ECHDC2: variants seen among roughly 807,000 people sequenced by gnomAD.
The protein encoded by ECHDC2 is enoyl-CoA hydratase domain-containing protein 2, mitochondrial.
Under a neutral mutation model 40.6 loss-of-function variants are expected in ECHDC2, and 34 were observed. The ratio of observed to expected loss-of-function variants is 0.84; its 90% confidence interval spans 0.64 to 1.11. The LOEUF (loss-of-function observed/expected upper bound fraction) is 1.11, where lower values mean the gene tolerates loss of function less well. ECHDC2 is among the 50% of genes most tolerant of loss of function. ECHDC2 has a pLI of 0.00. For synonymous variants in ECHDC2, 162 were observed against 166.6 expected, an observed-to-expected ratio of 0.97 and a Z score of 0.21; for missense variants, 392 against 400.7, an observed-to-expected ratio of 0.98 and a Z score of 0.19.
intron 3 of ECHDC2, among the ~76,000 whole-genome samples, chr1:52,908,518 AAAAAG>A (rs1474365627): frequency 2.0e-5 from 3 of 152,206 alleles, no homozygotes; most frequent in Non-Finnish European, 2.9e-5. Flanking sequence ...AAAAAAGAAA[AAAAAG>A]AAAAGACAAC....
intron 5 of ECHDC2, chr1:52,905,516 G>A (rs1647553883): frequency 5.7e-6 from 1 of 173,916 alleles, no homozygotes; most frequent in Non-Finnish European, 1.2e-5. Flanking sequence ...TAGAATGTCA[G>A]TGACTCCTGC....
intron 9 of ECHDC2, chr1:52,896,921 A>C: frequency 3.1e-6 from 1 of 326,622 alleles, no homozygotes; most frequent in Non-Finnish European, 5.7e-6. Context: ...TTGCAGTAAG[A>C]AATCTGGCTT....
At chr1:52,911,871 G>A (rs1464767918) in intron 1 of ECHDC2, 81 bp from the exon 2 acceptor site, 14 of 1,571,198 alleles carry the variant, frequency 8.9e-6, no homozygotes, top group Admixed American at 1.8e-5. Context: ...GGAGGCAGGA[G>A]GCCTGGGATC....
intron 1 of ECHDC2, among the ~76,000 whole-genome samples, chr1:52,916,940 A>G (rs1650805046): frequency 6.6e-6 from 1 of 152,168 alleles, no homozygotes. Flanking sequence ...AACCACTAGA[A>G]GGGCCAGGCG....
At chr1:52,908,647 C>T (rs1259763098) in intron 3 of ECHDC2, among the ~76,000 whole-genome samples, 1 of 151,202 alleles carries the variant, frequency 6.6e-6, no homozygotes, top group African/African-American at 2.4e-5. Context: ...CAGAAATGGG[C>T]AAAGGGCCAG....
chr1:52,918,009 C>T (rs1415124503), intron 1 of ECHDC2, among the ~76,000 whole-genome samples: 8 of 152,000 alleles, frequency 5.3e-5, no homozygotes, highest in Admixed American at 5.2e-4. Flanking sequence ...TACTCTGTTG[C>T]CCAGGCTGGA....
chr1:52,906,515 G>A lies in ECHDC2; in HGVS notation c.457+4C>T. 1.2e-6 allele frequency: 2 copies of A among 1,608,178 alleles called. No individual in the cohort carries two copies. The highest frequency in any genetic ancestry group is 8.5e-7 in the Non-Finnish European group (1 of 1,177,704). Reference sequence around the variant, plus strand: ...ACCCCCTGCCCCCAGTCCTGGCCCAGTACCTGCCACTCGGAGGTCACAGGC... The same window carrying A: ...ACCCCCTGCCCCCAGTCCTGGCCCAATACCTGCCACTCGGAGGTCACAGGC... On this transcript the variant is annotated splice_donor_region_variant and intron_variant, in intron 5 of 9. Transcript: ENST00000371522.
chr1:52,909,688 C>A (rs766203536), intron 3 of ECHDC2, among the ~76,000 whole-genome samples: 1 of 152,214 alleles, frequency 6.6e-6, no homozygotes, highest in Non-Finnish European at 1.5e-5. Flanking sequence ...AGATTACTTA[C>A]AATACCTAAT....
chr1:52,897,398 C>T (rs545774804), intron 9 of ECHDC2, 39 bp downstream of exon 9: 1 of 1,608,434 alleles, frequency 6.2e-7, no homozygotes, highest in East Asian at 2.2e-5. Flanking sequence ...CCTGGCCCAG[C>T]CTATGTTAAC....
At chr1:52,899,049 TC>T (rs1195293373) in intron 8 of ECHDC2, 124 bp downstream of exon 8, 1 of 952,774 alleles carries the variant, frequency 1.0e-6, no homozygotes, top group African/African-American at 1.6e-5. Context: ...AGGTCAGAGT[TC>T]AAGTCTGTTA....
At chr1:52,905,211 C>CTGTGG in intron 5 of ECHDC2, 121 bp from the exon 6 acceptor site, 1 of 1,098,202 alleles carries the variant, frequency 9.1e-7, no homozygotes, top group Non-Finnish European at 1.3e-6. Context: ...CATGGTCTGG[C>CTGTGG]CACAGCCAGG....
Position 52,921,673 on chromosome 1 carries a change from TCGG to T in ECHDC2, c.-3_-1del. The T allele has an allele frequency of 6.4e-7, 1 of 1,563,300 alleles. No homozygotes were observed. Among genetic ancestry groups the T allele is most frequent in the South Asian group, 1.2e-5 (1 of 84,484 alleles). On this transcript the variant is annotated 5_prime_UTR_variant, in exon 1 of 10. Transcript: ENST00000371522. ...CGCAGGAGGCACAGAACGCGCAGCA[TCGG>T]GGCGCAGGCTGGGAGTGAAGGTGCT... is the stretch of plus-strand genomic sequence containing the variant.
chr1:52,905,378 C>CT, intron 5 of ECHDC2: 1 of 503,694 alleles, frequency 2.0e-6, no homozygotes, highest in Non-Finnish European at 3.6e-6. Context: ...CCTCTTCTGT[C>CT]TGCTTCAGAG....
chr1:52,921,447 TG>T, intron 1 of ECHDC2, 105 bp downstream of exon 1: 1 of 1,453,714 alleles, frequency 6.9e-7, no homozygotes, highest in Non-Finnish European at 9.0e-7. Context: ...AGGGAGGGAC[TG>T]GGGATCGAAT....
Position 52,909,432 on chromosome 1 carries a change from G to A in ECHDC2, c.278-1478C>T, listed in dbSNP as rs1043185347. Among the ~76,000 whole-genome samples, 6 of 151,308 alleles carry A rather than the reference G, an allele frequency of 4.0e-5. No homozygotes were observed. In the East Asian group the frequency reaches 9.7e-4, roughly 24 times the overall value. On this transcript the variant is annotated intron_variant, in intron 3 of 9. Transcript: ENST00000371522. ...TCCTCCTGTATACTCTAAGCCAGGGGTTCCAATCTTTTGGCTTTCCTGGGC... is the reference window on the plus strand; with the variant it reads ...TCCTCCTGTATACTCTAAGCCAGGGATTCCAATCTTTTGGCTTTCCTGGGC...
chr1:52,921,396 A>C, intron 1 of ECHDC2, 157 bp downstream of exon 1: 1 of 1,398,362 alleles, frequency 7.2e-7, no homozygotes, highest in Non-Finnish European at 9.2e-7. Context: ...GCGGCCGCCC[A>C]CCTCTCAGGC....
Position 52,921,552 on chromosome 1 carries a change from C to T in ECHDC2, c.121+1G>A. ...GCGCCGCCCCGGAACTGCACATTTACCTTGGTCCGGACCCGCCAGGGCGCG... is the reference window on the plus strand; with the variant it reads ...GCGCCGCCCCGGAACTGCACATTTATCTTGGTCCGGACCCGCCAGGGCGCG... On this transcript the variant is annotated splice_donor_variant, in intron 1 of 9. Coordinates refer to ENST00000371522, the MANE Select transcript of ECHDC2 (RefSeq NM_001198961.2). LOFTEE classifies it high-confidence loss of function. 1.2e-6 allele frequency: 2 copies of T among 1,609,604 alleles called. No individual in the cohort carries two copies. The highest frequency in any genetic ancestry group is 1.3e-5 in the African/African-American group (1 of 74,880).
intron 1 of ECHDC2, among the ~76,000 whole-genome samples, chr1:52,912,461 G>T (rs2150063189): frequency 6.6e-6 from 1 of 152,140 alleles, no homozygotes; most frequent in Middle Eastern, 3.4e-3. Flanking sequence ...GCCCGCCTCG[G>T]CCTCCCAAAG....
chr1:52,905,066 A>C lies in ECHDC2; in HGVS notation c.482T>G (p.Ile161Ser). 6.2e-7 allele frequency: 1 copy of C among 1,614,158 alleles called. No individual in the cohort carries two copies. The highest frequency in any genetic ancestry group is 8.5e-7 in the Non-Finnish European group (1 of 1,180,024). Reference sequence around the variant, plus strand: ...CGGGAGGAGCCCTCGCGTGGTCTCAATCAGTCCCATGACTGCCGAGGAAGC... The same window carrying C: ...CGGGAGGAGCCCTCGCGTGGTCTCACTCAGTCCCATGACTGCCGAGGAAGC... Reference protein sequence around the residue: ...VAASSAVMGLIETTRGLLPGA... With the variant: ...VAASSAVMGLSETTRGLLPGA... Residue 161 changes from isoleucine to serine, a missense_variant, in exon 6 of 10, where the codon ATT (isoleucine) becomes AGT (serine). Ile to Ser is a moderately radical substitution (Grantham distance 142). Transcript: ENST00000371522.
Sources: gnomAD v4.1 joint callset for allele counts (sites outside exome capture counted in the v4.1 genomes callset) on GRCh38, gnomAD v4.1.1 for gene constraint, MANE v1.5 for transcripts, NCBI Gene and HGNC (gene_info 2026-07-23, HGNC 2026-07-21) for gene names.